Variants in PLXDC1 observed in about 807,000 individuals in gnomAD.
PLXDC1 encodes plexin domain-containing protein 1.
In PLXDC1, 39 loss-of-function variants were observed where a neutral mutation model predicts 61.3. That is an observed-to-expected ratio of 0.64 (90% CI 0.49 to 0.83). The LOEUF (loss-of-function observed/expected upper bound fraction) is 0.83. PLXDC1 is among the 40% of genes least tolerant of loss of function. The probability of loss-of-function intolerance (pLI) is 0.00; values close to 1 mark genes in which losing one functional copy is unlikely to be tolerated. For missense variants in PLXDC1, 596 were observed against 666.5 expected (o/e 0.89, Z 1.17); for synonymous variants, 212 against 254.5 (o/e 0.83, Z 1.59).
intron 1 of PLXDC1, among the ~76,000 whole-genome samples, chr17:39,150,194 T>C (rs896300093): frequency 3.9e-5 from 6 of 152,118 alleles, no homozygotes; most frequent in Non-Finnish European, 8.8e-5. Context: ...GCTTCTCGGT[T>C]CGTCAGCTCC....
intron 12 of PLXDC1, chr17:39,070,329 C>T (rs1567751905): frequency 1.4e-5 from 3 of 219,828 alleles, no homozygotes; most frequent in East Asian, 9.7e-5. Flanking sequence ...CAAAGGGCAT[C>T]GGAGGGTTAA....
At chr17:39,107,970 C>G in intron 5 of PLXDC1, 153 bp downstream of exon 5, 1 of 907,040 alleles carries the variant, frequency 1.1e-6, no homozygotes, top group Non-Finnish European at 1.7e-6. Context: ...TTGCCCCTAT[C>G]TGACAGGTCA....
intron 1 of PLXDC1, among the ~76,000 whole-genome samples, chr17:39,143,769 A>G (rs1912007361): frequency 6.6e-6 from 1 of 152,154 alleles, no homozygotes; most frequent in African/African-American, 2.4e-5. Flanking sequence ...CGTGGGGAGG[A>G]GGGCAGTCCC....
At chr17:39,141,808 T>G (rs1293041570) in intron 1 of PLXDC1, among the ~76,000 whole-genome samples, 1 of 152,212 alleles carries the variant, frequency 6.6e-6, no homozygotes, top group Non-Finnish European at 1.5e-5. Flanking sequence ...TCCACATTCT[T>G]GCCAATACTT....
At chr17:39,130,284 C>G (rs777365259) in intron 2 of PLXDC1, among the ~76,000 whole-genome samples, 95 of 152,188 alleles carry the variant, frequency 6.2e-4, no homozygotes, top group Non-Finnish European at 9.4e-4. Context: ...GAGATCTTGT[C>G]TCTACAAAAA....
intron 1 of PLXDC1, among the ~76,000 whole-genome samples, chr17:39,142,869 G>A (rs1450109725): frequency 6.6e-6 from 1 of 152,162 alleles, no homozygotes; most frequent in Non-Finnish European, 1.5e-5. Flanking sequence ...CGGGCGTGGT[G>A]GCTCACACCT....
intron 7 of PLXDC1, 140 bp downstream of exon 7, chr17:39,105,714 C>T (rs1910566755): frequency 3.2e-6 from 2 of 627,234 alleles, no homozygotes; most frequent in East Asian, 5.4e-5. Flanking sequence ...AGTCACTGGG[C>T]ATCCTTTCCT....
intron 7 of PLXDC1, among the ~76,000 whole-genome samples, chr17:39,092,160 C>T (rs755383917): frequency 1.3e-5 from 2 of 151,980 alleles, no homozygotes; most frequent in Non-Finnish European, 2.9e-5. Flanking sequence ...TTCACTGCAG[C>T]CTTGACCTCC....
At chr17:39,149,163 A>G (rs1474521547) in intron 1 of PLXDC1, among the ~76,000 whole-genome samples, 1 of 151,994 alleles carries the variant, frequency 6.6e-6, no homozygotes, top group Non-Finnish European at 1.5e-5. Flanking sequence ...CTAATGATAG[A>G]TGAGGTTTCA....
chr17:39,132,901 G>A (rs80017380), intron 2 of PLXDC1, among the ~76,000 whole-genome samples: 1 of 152,272 alleles, frequency 6.6e-6, no homozygotes, highest in African/African-American at 2.4e-5. Flanking sequence ...CCCAGAGCCT[G>A]GTTGCTGTTG....
chr17:39,137,715 A>G (rs1911800415), intron 2 of PLXDC1, among the ~76,000 whole-genome samples: 1 of 152,130 alleles, frequency 6.6e-6, no homozygotes. Context: ...TAAACAAACA[A>G]AAGGATGAAG....
chr17:39,095,379 CAACCCCCCAA>C (rs1229225717), intron 7 of PLXDC1, among the ~76,000 whole-genome samples: 1 of 58,248 alleles, frequency 1.7e-5, no homozygotes, highest in Admixed American at 1.5e-4. Flanking sequence ...CCCCCCCCCC[CAACCCCCCAA>C]GCCTGGGTTA....
At chr17:39,077,630 C>G (rs1292440944) in intron 11 of PLXDC1, among the ~76,000 whole-genome samples, 3 of 152,208 alleles carry the variant, frequency 2.0e-5, no homozygotes, top group African/African-American at 7.2e-5. Context: ...CTGGCCTGGG[C>G]TATTAATTTT....
intron 6 of PLXDC1, 119 bp downstream of exon 6, chr17:39,107,288 G>A (rs1910628955): frequency 1.5e-6 from 1 of 654,774 alleles, no homozygotes; most frequent in African/African-American, 1.8e-5. Flanking sequence ...CAAACATCTT[G>A]TTAACTGCTG....
chr17:39,086,276 G>T (rs1909737525), intron 8 of PLXDC1, among the ~76,000 whole-genome samples: 2 of 152,126 alleles, frequency 1.3e-5, no homozygotes, highest in African/African-American at 2.4e-5. Flanking sequence ...GTATGGCTGT[G>T]ACCTCTAAAG....
chr17:39,097,893 C>A (rs1910271384), intron 7 of PLXDC1, among the ~76,000 whole-genome samples: 1 of 127,376 alleles, frequency 7.9e-6, no homozygotes, highest in African/African-American at 3.0e-5. Flanking sequence ...CAGAGCAAGA[C>A]CCTGTCTATA....
Position 39,139,819 on chromosome 17 carries a change from G to A in PLXDC1, c.90C>T (p.Gly30=), listed in dbSNP as rs1911877248. 6.2e-7 allele frequency: 1 copy of A among 1,604,882 alleles called. No individual in the cohort carries two copies. Among genetic ancestry groups the A allele is most frequent in the Non-Finnish European group, 8.5e-7 (1 of 1,174,040 alleles). ...SPQPGAGHDE[G]PGSGWAAKGT... is the part of the protein sequence containing the mutation. ...CTTTGGCAGCCCATCCAGAGCCTGG[G>A]CCCTCATCGTGACCTGGGAGAAGGG... The change falls in exon 2 of 14, where the codon GGC becomes GGT. Residue 30 remains glycine (G), a synonymous_variant. Transcript: ENST00000315392.
intron 2 of PLXDC1, among the ~76,000 whole-genome samples, chr17:39,132,591 G>A (rs1388946460): frequency 3.3e-5 from 5 of 152,196 alleles, no homozygotes; most frequent in Admixed American, 6.5e-5. Flanking sequence ...TAGACGCCTC[G>A]AGGCCTCCAA....
In PLXDC1 at chr17:39,108,982, G is replaced by T. The variant is rs376111245; in HGVS notation, c.400-9C>A. On this transcript the variant is annotated splice_polypyrimidine_tract_variant and intron_variant, in intron 3 of 13. Coordinates refer to ENST00000315392, the MANE Select transcript of PLXDC1 (RefSeq NM_020405.5). ...AAGGACAAGACCACTCTCTGCAGGG[G>T]ATGGGAGAAAGTCAGCACGGGCCAA... 1,498 of 1,608,626 alleles carry T rather than the reference G, an allele frequency of 9.3e-4. No homozygotes were observed. Among genetic ancestry groups the T allele is most frequent in the Non-Finnish European group, 1.2e-3 (1,407 of 1,175,356 alleles).
Sources: allele counts gnomAD v4.1 joint callset (sites outside exome capture counted in the v4.1 genomes callset), GRCh38; gene constraint gnomAD v4.1.1; transcripts MANE v1.5; gene names NCBI Gene and HGNC (gene_info 2026-07-23, HGNC 2026-07-21).